Variants in TCF4 observed in about 807,000 individuals in gnomAD.
TCF4 encodes the protein transcription factor 4.
In TCF4, 3 loss-of-function variants were observed where a neutral mutation model predicts 82.1. The ratio of observed to expected loss-of-function variants is 0.04; its 90% CI spans 0.02 to 0.09. The LOEUF is 0.09. TCF4 is among the 10% of genes least tolerant of loss of function. The probability of loss-of-function intolerance (pLI) is 1.00; values close to 1 mark genes in which losing one functional copy is unlikely to be tolerated. For missense variants in TCF4, 518 were observed against 852.7 expected, an observed-to-expected ratio of 0.61 and a Z score of 4.89; for synonymous variants, 276 against 309.6, an observed-to-expected ratio of 0.89 and a Z score of 1.14.
At chr18:55,400,374 T>G (rs1342837996) in intron 6 of TCF4, among the ~76,000 whole-genome samples, 1 of 152,194 alleles carries the variant, frequency 6.6e-6, no homozygotes. Flanking sequence ...TGTACCCCAA[T>G]TTGATTTAAA....
At chr18:55,344,093 G>T (rs1284322159) in intron 8 of TCF4, among the ~76,000 whole-genome samples, 4 of 152,090 alleles carry the variant, frequency 2.6e-5, no homozygotes, top group African/African-American at 4.8e-5. Context: ...ATTCTTTTAG[G>T]ATTACTGCCA....
At chr18:55,364,326 T>A (rs538693115) in intron 6 of TCF4, among the ~76,000 whole-genome samples, 1 of 152,314 alleles carries the variant, frequency 6.6e-6, no homozygotes, top group East Asian at 1.9e-4. Flanking sequence ...TGAAGATATA[T>A]AAAATAATGT....
intron 3 of TCF4, among the ~76,000 whole-genome samples, chr18:55,560,011 A>C (rs1331692952): frequency 1.3e-5 from 2 of 152,230 alleles, no homozygotes; most frequent in Non-Finnish European, 2.9e-5. Flanking sequence ...GTCTCTTAAC[A>C]AGAAAAATTT....
chr18:55,436,741 C>T (rs901324102), intron 5 of TCF4, among the ~76,000 whole-genome samples: 1 of 152,142 alleles, frequency 6.6e-6, no homozygotes, highest in Non-Finnish European at 1.5e-5. Context: ...TGTGAAAAAC[C>T]CACACAGACA....
chr18:55,603,736 CAT>C (rs1300475674), intron 2 of TCF4, among the ~76,000 whole-genome samples: 1 of 152,128 alleles, frequency 6.6e-6, no homozygotes, highest in Admixed American at 6.5e-5. Context: ...CAAGGGAAAA[CAT>C]GTACACAGAA....
intron 5 of TCF4, among the ~76,000 whole-genome samples, chr18:55,413,866 AT>A (rs2094440308): frequency 6.6e-6 from 1 of 152,250 alleles, no homozygotes. Flanking sequence ...TATCATCTGA[AT>A]AGTGGTGAAT....
chr18:55,387,078 T>C (rs539286647), intron 6 of TCF4, among the ~76,000 whole-genome samples: 1 of 152,358 alleles, frequency 6.6e-6, no homozygotes, highest in East Asian at 1.9e-4. Context: ...ATTAGGACTG[T>C]GGAAAGGTCT....
rs1367338433 is a variant in TCF4, at chr18:55,338,662, ATTGATTCT to A, written c.549+11689_549+11696del. 2.6e-5 allele frequency among the ~76,000 whole-genome samples: 4 copies of A among 152,302 alleles called. No homozygotes were observed. In the East Asian group the frequency reaches 7.7e-4, roughly 29 times the overall value. The stretch of plus-strand genomic sequence containing the variant: ...GGGGTTCCCGAAAATTGATTTTTTC[ATTGATTCT>A]TAGGGAGGAAGATGAGAGTGAAGTA... On this transcript the variant is annotated intron_variant, in intron 8 of 19. Transcript: ENST00000354452.
chr18:55,536,000 A>C (rs910851254), intron 3 of TCF4, among the ~76,000 whole-genome samples: 1 of 152,202 alleles, frequency 6.6e-6, no homozygotes, highest in Non-Finnish European at 1.5e-5. Flanking sequence ...CCACATTCTC[A>C]ATCTGAGATA....
intron 15 of TCF4, among the ~76,000 whole-genome samples, chr18:55,245,028 C>G (rs530990281): frequency 5.6e-4 from 85 of 152,310 alleles, no homozygotes; most frequent in African/African-American, 2.0e-3. Flanking sequence ...TGGTTAAACT[C>G]AACTTTATAG....
intron 3 of TCF4, among the ~76,000 whole-genome samples, chr18:55,561,828 TA>T (rs1287662635): frequency 1.3e-5 from 2 of 152,200 alleles, no homozygotes; most frequent in East Asian, 3.8e-4. Context: ...TTCTCATCTG[TA>T]AATTCCAGGA....
At chr18:55,591,810 C>G (rs1441266841), upstream of TCF4, among the ~76,000 whole-genome samples, 1 of 152,184 alleles carries the variant, frequency 6.6e-6, no homozygotes, top group South Asian at 2.1e-4. Flanking sequence ...AGCCACTGCA[C>G]CCAGCCCCCT....
chr18:55,344,192 CAT>C (rs1440231207), intron 8 of TCF4, among the ~76,000 whole-genome samples: 2 of 151,978 alleles, frequency 1.3e-5, no homozygotes, highest in African/African-American at 2.4e-5. Flanking sequence ...ACCAAGAAAA[CAT>C]AGAAAATGCA....
At chr18:55,475,729 G>C (rs2096275969) in intron 3 of TCF4, among the ~76,000 whole-genome samples, 1 of 152,034 alleles carries the variant, frequency 6.6e-6, no homozygotes, top group African/African-American at 2.4e-5. Context: ...AGAAATGTAG[G>C]GCAATAAATG....
chr18:55,473,225 G>A (rs1419851745), intron 3 of TCF4, among the ~76,000 whole-genome samples: 1 of 152,042 alleles, frequency 6.6e-6, no homozygotes, highest in Non-Finnish European at 1.5e-5. Context: ...TCTCCCGAGG[G>A]TGCCATTTGT....
intron 8 of TCF4, among the ~76,000 whole-genome samples, chr18:55,286,426 G>A (rs2063707741): frequency 1.3e-5 from 2 of 151,970 alleles, no homozygotes; most frequent in Admixed American, 1.3e-4. Context: ...TTTTGTAAAG[G>A]AGTCAAAGGA....
rs1334320515 is a variant in TCF4, at chr18:55,415,015, C to T, written c.305-11497G>A. 4.6e-5 allele frequency among the ~76,000 whole-genome samples: 7 copies of T among 152,284 alleles called. No individual in the cohort carries two copies. In the South Asian group the frequency reaches 1.2e-3, roughly 27 times the overall value. ...TTCTACTAGGGATTACCTACCACAT[C>T]CATTACAGACAAATAATCATATTTC... On this transcript the variant is annotated intron_variant, in intron 5 of 19. Coordinates refer to ENST00000354452, the MANE Select transcript of TCF4 (RefSeq NM_001083962.2).
At chr18:55,353,344 T>C (rs2082705441) in intron 6 of TCF4, among the ~76,000 whole-genome samples, 1 of 152,190 alleles carries the variant, frequency 6.6e-6, no homozygotes, top group East Asian at 1.9e-4. Context: ...ATCCAACTCT[T>C]ACATATGCAG....
chr18:55,423,357 T>C (rs1055542310), intron 5 of TCF4, among the ~76,000 whole-genome samples: 36 of 151,552 alleles, frequency 2.4e-4, no homozygotes, highest in African/African-American at 8.7e-4. Flanking sequence ...TCACGAACTA[T>C]TCAGATATTA....
Sources: gnomAD v4.1 joint callset for allele counts (sites outside exome capture counted in the v4.1 genomes callset) on GRCh38, gnomAD v4.1.1 for gene constraint, MANE v1.5 for transcripts, NCBI Gene and HGNC (gene_info 2026-07-23, HGNC 2026-07-21) for gene names.